SH3GL2: variants seen among roughly 807,000 people sequenced by gnomAD.
The protein encoded by SH3GL2 is endophilin-A1.
In SH3GL2, 24 loss-of-function variants were observed where a neutral mutation model predicts 46.0. The observed-to-expected ratio is 0.52, with a 90% CI of 0.38 to 0.73. The LOEUF is 0.73. Ranked by LOEUF, SH3GL2 falls within the 30% of genes least tolerant of loss-of-function variation. The pLI is 0.00. For synonymous variants in SH3GL2, 196 were observed against 147.1 expected, an observed-to-expected ratio of 1.33 and a Z score of -2.40; for missense variants, 413 against 424.2, an observed-to-expected ratio of 0.97 and a Z score of 0.23.
At chr9:17,606,125 C>G (rs1382450826) in intron 1 of SH3GL2, among the ~76,000 whole-genome samples, 1 of 152,120 alleles carries the variant, frequency 6.6e-6, no homozygotes, top group Non-Finnish European at 1.5e-5. Flanking sequence ...TGGAGTCTCA[C>G]TCTGTTGCCC....
chr9:17,759,088 C>T (rs1255694886), intron 2 of SH3GL2, among the ~76,000 whole-genome samples: 1 of 152,110 alleles, frequency 6.6e-6, no homozygotes, highest in Non-Finnish European at 1.5e-5. Flanking sequence ...GAAGGGGGTT[C>T]TGTAGCCAAA....
chr9:17,581,027 G>T (rs1314617388), intron 1 of SH3GL2, among the ~76,000 whole-genome samples: 2 of 152,158 alleles, frequency 1.3e-5, no homozygotes, highest in Non-Finnish European at 2.9e-5. Context: ...GATAATTTCC[G>T]TTGTCTCTTC....
chr9:17,761,051 T>G (rs1238032825), intron 2 of SH3GL2, among the ~76,000 whole-genome samples: 5 of 152,186 alleles, frequency 3.3e-5, no homozygotes, highest in African/African-American at 1.2e-4. Flanking sequence ...ATAAGCAGAG[T>G]TGATGCTGCA....
At chr9:17,610,485 A>G (rs1384138051) in intron 1 of SH3GL2, among the ~76,000 whole-genome samples, 1 of 152,210 alleles carries the variant, frequency 6.6e-6, no homozygotes, top group African/African-American at 2.4e-5. Context: ...AGGTTGGTTT[A>G]AGTTGTTGAT....
chr9:17,624,921 A>G (rs1368803033), intron 1 of SH3GL2, among the ~76,000 whole-genome samples: 1 of 152,210 alleles, frequency 6.6e-6, no homozygotes, highest in Non-Finnish European at 1.5e-5. Flanking sequence ...ATGTTGGGGT[A>G]CTGAGGAAGA....
chr9:17,736,198 A>G (rs1588286599), intron 1 of SH3GL2, among the ~76,000 whole-genome samples: 1 of 152,078 alleles, frequency 6.6e-6, no homozygotes, highest in African/African-American at 2.4e-5. Context: ...ATGTGTGTGT[A>G]TGTATGTATG....
At chr9:17,690,014 T>C (rs955120678) in intron 1 of SH3GL2, among the ~76,000 whole-genome samples, 9 of 152,126 alleles carry the variant, frequency 5.9e-5, no homozygotes, top group Non-Finnish European at 1.3e-4. Context: ...TCTCAAATTG[T>C]GCCCCTTAGT....
intron 1 of SH3GL2, among the ~76,000 whole-genome samples, chr9:17,658,458 T>C (rs562398172): frequency 3.9e-5 from 6 of 152,218 alleles, no homozygotes; most frequent in Non-Finnish European, 7.3e-5. Flanking sequence ...ATTGGACTTG[T>C]GGAAGAAAAT....
At chr9:17,703,562 C>G (rs1453457288) in intron 1 of SH3GL2, among the ~76,000 whole-genome samples, 1 of 152,038 alleles carries the variant, frequency 6.6e-6, no homozygotes, top group Non-Finnish European at 1.5e-5. Context: ...CAGGAAAATA[C>G]TAGCAAACCA....
chr9:17,622,725 T>C (rs937727388), intron 1 of SH3GL2, among the ~76,000 whole-genome samples: 4 of 152,130 alleles, frequency 2.6e-5, no homozygotes, highest in Non-Finnish European at 4.4e-5. Flanking sequence ...GTGCTCTTGA[T>C]GTCCTTAATT....
chr9:17,660,512 C>T (rs1459934117), intron 1 of SH3GL2, among the ~76,000 whole-genome samples: 1 of 152,138 alleles, frequency 6.6e-6, no homozygotes, highest in Non-Finnish European at 1.5e-5. Flanking sequence ...ATATTTGGTA[C>T]ACAATAGATG....
At chr9:17,741,591 C>G (rs778373774) in intron 1 of SH3GL2, among the ~76,000 whole-genome samples, 7 of 152,150 alleles carry the variant, frequency 4.6e-5, no homozygotes, top group Non-Finnish European at 8.8e-5. Context: ...GAGATACAGA[C>G]CAATGCCGAC....
At chr9:17,776,384 G>A (rs1192798802) in intron 3 of SH3GL2, among the ~76,000 whole-genome samples, 1 of 151,982 alleles carries the variant, frequency 6.6e-6, no homozygotes, top group Non-Finnish European at 1.5e-5. Flanking sequence ...AGAAAACACC[G>A]CTTTTGCCTA....
intron 1 of SH3GL2, among the ~76,000 whole-genome samples, chr9:17,626,898 A>G (rs1335372180): frequency 2.0e-5 from 3 of 152,064 alleles, no homozygotes; most frequent in Non-Finnish European, 4.4e-5. Context: ...TCTCCTTTCT[A>G]ACTACCAAAT....
At position 17,613,707 on chromosome 9, in the gene SH3GL2, A is replaced by G. The variant is rs967797462; in HGVS notation, c.45+34420A>G. 4.6e-5 allele frequency among the ~76,000 whole-genome samples: 7 copies of G among 152,328 alleles called. No homozygotes were observed. The South Asian group carries it at 1.0e-3, about 23-fold the overall frequency. On this transcript the variant is annotated intron_variant, in intron 1 of 8. Transcript: ENST00000380607. ...CTCTGGTGATCATTTTATAATGCTCATTATGGGAGGTGACGGGAAGAATGG... is the reference window on the plus strand; with the variant it reads ...CTCTGGTGATCATTTTATAATGCTCGTTATGGGAGGTGACGGGAAGAATGG...
At chr9:17,594,532 G>A (rs1413468071) in intron 1 of SH3GL2, among the ~76,000 whole-genome samples, 7 of 152,006 alleles carry the variant, frequency 4.6e-5, no homozygotes, top group African/African-American at 1.7e-4. Flanking sequence ...TAATGCATGT[G>A]GGGCTTAAAA....
chr9:17,666,494 A>G (rs1253346938), intron 1 of SH3GL2, among the ~76,000 whole-genome samples: 1 of 151,762 alleles, frequency 6.6e-6, no homozygotes, highest in Non-Finnish European at 1.5e-5. Context: ...TTTTGCAAAA[A>G]CAAGCAGATT....
At chr9:17,752,693 C>A (rs1226791737) in intron 2 of SH3GL2, among the ~76,000 whole-genome samples, 1 of 152,012 alleles carries the variant, frequency 6.6e-6, no homozygotes, top group Non-Finnish European at 1.5e-5. Flanking sequence ...TATTTGAGGT[C>A]CAATTTCTTT....
intron 1 of SH3GL2, among the ~76,000 whole-genome samples, chr9:17,674,634 T>A (rs1820563002): frequency 1.3e-5 from 2 of 152,086 alleles, no homozygotes; most frequent in Non-Finnish European, 1.5e-5. Flanking sequence ...CTCAGCTGGA[T>A]GTTTCTTCTT....
Sources: gnomAD v4.1 joint callset for allele counts (sites outside exome capture counted in the v4.1 genomes callset) on GRCh38, gnomAD v4.1.1 for gene constraint, MANE v1.5 for transcripts, NCBI Gene and HGNC (gene_info 2026-07-23, HGNC 2026-07-21) for gene names.